ACTA2: variants seen among roughly 807,000 people sequenced by gnomAD.
ACTA2 encodes actin alpha 2, smooth muscle.
Under a neutral mutation model 39.5 loss-of-function variants are expected in ACTA2, and 12 were observed. The observed-to-expected ratio is 0.30, with a 90% confidence interval of 0.19 to 0.49. The LOEUF is 0.49. Among genes scored for constraint, ACTA2 ranks in the 20% least tolerant of loss-of-function variants. The pLI is 0.99. For synonymous variants in ACTA2, 158 were observed against 180.6 expected (o/e 0.88, Z 1.00); for missense variants, 236 against 498.8 (o/e 0.47, Z 5.02).
upstream of ACTA2, among the ~76,000 whole-genome samples, chr10:88,955,924 T>C (rs963753906): frequency 3.3e-5 from 5 of 152,054 alleles, no homozygotes; most frequent in African/African-American, 4.8e-5. Flanking sequence ...ATAAGAAAAA[T>C]AGGGTTAATA....
chr10:88,984,356 C>T (rs1228716535), intron 1 of ACTA2, among the ~76,000 whole-genome samples: 1 of 152,120 alleles, frequency 6.6e-6, no homozygotes, highest in Non-Finnish European at 1.5e-5. Flanking sequence ...CTCTCCCATA[C>T]TACCTTTCTG....
chr10:88,939,911 G>A, intron 6 of ACTA2: 1 of 594,104 alleles, frequency 1.7e-6, no homozygotes. Flanking sequence ...TGCATAGTAG[G>A]CCCTCAGCAT....
At chr10:88,979,617 T>A (rs929724299) in intron 1 of ACTA2, among the ~76,000 whole-genome samples, 5 of 152,178 alleles carry the variant, frequency 3.3e-5, no homozygotes, top group African/African-American at 1.2e-4. Context: ...GATGACTTTT[T>A]TTTTTTAACA....
At chr10:88,952,582 A>C (rs1180457782) in intron 1 of ACTA2, 149 bp downstream of exon 1, 3 of 152,240 alleles carry the variant, frequency 2.0e-5, no homozygotes, top group African/African-American at 7.2e-5. Flanking sequence ...TAAAGCCAAA[A>C]GCTACAATCA....
chr10:88,986,869 T>G (rs757873760), intron 1 of ACTA2, among the ~76,000 whole-genome samples: 6 of 152,236 alleles, frequency 3.9e-5, no homozygotes, highest in African/African-American at 1.4e-4. Flanking sequence ...ATTTGTCTTG[T>G]GAAGTCACTT....
At chr10:88,984,765 A>C (rs992669597) in intron 1 of ACTA2, among the ~76,000 whole-genome samples, 1 of 152,064 alleles carries the variant, frequency 6.6e-6, no homozygotes, top group African/African-American at 2.4e-5. Context: ...CAAGAGCTAG[A>C]GTGAGAGAAA....
intron 1 of ACTA2, among the ~76,000 whole-genome samples, chr10:88,981,788 A>G (rs1410725427): frequency 6.6e-6 from 1 of 152,164 alleles, no homozygotes; most frequent in African/African-American, 2.4e-5. Flanking sequence ...GTGGGTATGT[A>G]AAGGTTTCAG....
Position 88,990,524 on chromosome 10 carries a change from C to A in ACTA2, c.-24+415G>T. 1.7e-6 allele frequency: 1 copy of A among 601,404 alleles called. No individual in the cohort carries two copies. The highest frequency in any genetic ancestry group is 3.4e-5 in the East Asian group (1 of 29,778). 37.3% of individuals were successfully genotyped at this position (601,404 alleles called of 1,614,324 possible). On this transcript the variant is annotated intron_variant, in intron 1 of 4. Coordinates refer to the ACTA2 transcript ENST00000415557. This position sits in a 1 kb window ranked among gnomAD's most constrained non-coding sequence, Gnocchi z 4.9. Reference sequence around the variant, plus strand: ...TGACTCCTTCCTCACCCTGACTTCTCCCCCTCCCTACCCGCGCGCAGGCCA... The same window carrying A: ...TGACTCCTTCCTCACCCTGACTTCTACCCCTCCCTACCCGCGCGCAGGCCA...
intron 2 of ACTA2, among the ~76,000 whole-genome samples, chr10:88,947,706 C>A (rs549205378): frequency 6.6e-6 from 1 of 152,284 alleles, no homozygotes; most frequent in African/African-American, 2.4e-5. Flanking sequence ...TAGCAAATTG[C>A]ATGGCACATA....
intron 1 of ACTA2, among the ~76,000 whole-genome samples, chr10:88,987,158 G>A (rs1846922990): frequency 6.6e-6 from 1 of 152,286 alleles, no homozygotes. Flanking sequence ...TCTAGTGACA[G>A]AAAAATTCTT....
chr10:88,935,569 C>A, intron 8 of ACTA2: 2 of 548,852 alleles, frequency 3.6e-6, no homozygotes, highest in Non-Finnish European at 6.6e-6. Flanking sequence ...TTTAGAAATT[C>A]TTCAGTAAGC....
rs1847153532 is a variant in ACTA2, at chr10:88,991,000, C to G, written c.-85G>C. On this transcript the variant is annotated 5_prime_UTR_variant, in exon 1 of 5. Transcript: ENST00000415557. The surrounding 1 kb of genome is among the most constrained non-coding windows in gnomAD (Gnocchi z 4.9). ...GCGCGGGACGCGTGCGGGATTGCGG[C>G]GGCAGCGGCGCACGCGGGCACCTGG... The G allele has an allele frequency of 6.4e-7, 1 of 1,564,042 alleles. No homozygotes were observed. The highest frequency in any genetic ancestry group is 1.1e-5 in the South Asian group (1 of 89,436).
intron 2 of ACTA2, chr10:88,948,165 T>G (rs996913016): frequency 6.3e-6 from 1 of 157,930 alleles, no homozygotes; most frequent in Admixed American, 6.0e-5. Context: ...GAGAGGTTTC[T>G]ATTATTTATT....
At chr10:88,976,504 C>T (rs1194721862) in intron 1 of ACTA2, among the ~76,000 whole-genome samples, 1 of 152,176 alleles carries the variant, frequency 6.6e-6, no homozygotes, top group African/African-American at 2.4e-5. Flanking sequence ...ATAGTCCTTC[C>T]ATTGTACTGA....
intron 1 of ACTA2, among the ~76,000 whole-genome samples, chr10:88,984,990 G>A (rs1177390300): frequency 6.6e-6 from 1 of 152,218 alleles, no homozygotes; most frequent in African/African-American, 2.4e-5. Context: ...TAAATAAAAT[G>A]ACATTTAGTT....
chr10:88,960,593 C>T lies in ACTA2; in HGVS notation c.-23-11640G>A, dbSNP rs1846209646. On this transcript the variant is annotated intron_variant, in intron 1 of 4. Coordinates refer to the ACTA2 transcript ENST00000415557. ...GCATTCCCTAAAGAAGACAAAATAT[C>T]AGTGGTATCAGGTAGAGAAATAGGG... Among the ~76,000 whole-genome samples, 3 of 152,176 alleles carry T rather than the reference C, an allele frequency of 2.0e-5. No homozygotes were observed. In the South Asian group the frequency reaches 6.2e-4, roughly 32 times the overall value.
intron 1 of ACTA2, among the ~76,000 whole-genome samples, chr10:88,975,351 A>G (rs557168484): frequency 2.0e-5 from 3 of 152,380 alleles, no homozygotes; most frequent in African/African-American, 7.2e-5. Flanking sequence ...AGCTCCATGC[A>G]GAAAAATTAG....
At chr10:88,985,968 T>C (rs1052424508) in intron 1 of ACTA2, among the ~76,000 whole-genome samples, 2 of 152,380 alleles carry the variant, frequency 1.3e-5, no homozygotes, top group African/African-American at 4.8e-5. Flanking sequence ...TTTATTTTTA[T>C]GGATACCTTC....
chr10:88,985,548 A>G (rs1285875921), intron 1 of ACTA2, among the ~76,000 whole-genome samples: 1 of 152,128 alleles, frequency 6.6e-6, no homozygotes, highest in Admixed American at 6.5e-5. Flanking sequence ...CTATCTCTGC[A>G]GGACTCCCTG....
Sources: allele counts gnomAD v4.1 joint callset (sites outside exome capture counted in the v4.1 genomes callset), GRCh38; gene constraint gnomAD v4.1.1; non-coding constraint Gnocchi (gnomAD v3.1); transcripts MANE v1.5; gene names NCBI Gene and HGNC (gene_info 2026-07-23, HGNC 2026-07-21).